The following TRERF1 variants were observed in gnomAD, a reference collection of about 807,000 sequenced individuals.
The protein encoded by TRERF1 is transcriptional-regulating factor 1.
In TRERF1, 27 loss-of-function variants were observed where a neutral mutation model predicts 122.9. The ratio of observed to expected loss-of-function variants is 0.22; its 90% CI spans 0.16 to 0.30. TRERF1 has a LOEUF of 0.30. Ranked by LOEUF, TRERF1 falls within the 10% of genes least tolerant of loss-of-function variation. The pLI, the probability that TRERF1 is intolerant of heterozygous loss-of-function variation, is 1.00. For missense variants in TRERF1, 1,248 were observed against 1,560.3 expected, an observed-to-expected ratio of 0.80 and a Z score of 3.37; for synonymous variants, 636 against 641.7, an observed-to-expected ratio of 0.99 and a Z score of 0.13.
intron 2 of TRERF1, among the ~76,000 whole-genome samples, chr6:42,425,837 C>T (rs1011216352): frequency 6.1e-5 from 9 of 146,394 alleles, no homozygotes; most frequent in African/African-American, 1.8e-4. Flanking sequence ...GCCAGTGCCC[C>T]GCCGGCCCCC....
chr6:42,314,766 G>T (rs1009734689), intron 3 of TRERF1, among the ~76,000 whole-genome samples: 2 of 152,160 alleles, frequency 1.3e-5, no homozygotes, highest in African/African-American at 2.4e-5. Flanking sequence ...AGGAGGAACA[G>T]CAAGAGCCCT....
At chr6:42,328,329 C>A (rs11756017) in intron 3 of TRERF1, among the ~76,000 whole-genome samples, 6,103 of 151,978 alleles carry the variant, frequency 0.04, 287 homozygotes, top group East Asian at 0.23. Flanking sequence ...AATTAAAAAA[C>A]AAACAAACAA....
intron 3 of TRERF1, among the ~76,000 whole-genome samples, chr6:42,308,027 T>A (rs73428885): frequency 0.033 from 5,015 of 152,282 alleles, 280 homozygotes; most frequent in African/African-American, 0.11. Context: ...GGATGGAAAA[T>A]GGTGTAGCCA....
intron 2 of TRERF1, among the ~76,000 whole-genome samples, chr6:42,411,850 T>C (rs1487287726): frequency 6.6e-6 from 1 of 152,182 alleles, no homozygotes; most frequent in Non-Finnish European, 1.5e-5. Flanking sequence ...TGACTTTGAA[T>C]AAATGTCTGA....
At position 42,268,793 on chromosome 6, in the gene TRERF1, C is replaced by T; in HGVS notation, c.798G>A (p.Gln266=). ...GTTGCTGCGGTGGGTAATACTGGTG[C>T]TGCTGCATCTGTTGCATGTGCTGTG... Residue 266 remains glutamine, a synonymous_variant, in exon 5 of 18, where the codon CAG becomes CAA. Transcript: ENST00000372922. This position sits in a 1 kb window ranked among gnomAD's most constrained non-coding sequence, Gnocchi z 4.4. The T allele has an allele frequency of 6.2e-7, 1 of 1,614,176 alleles. No individual in the cohort carries two copies.
chr6:42,241,383 T>C (rs59332329), intron 15 of TRERF1, among the ~76,000 whole-genome samples: 6,254 of 152,272 alleles, frequency 0.041, 436 homozygotes, highest in African/African-American at 0.14. Context: ...TGGGCTCAAA[T>C]ATAAATGTAT....
Position 42,275,197 on chromosome 6 carries a change from C to A in TRERF1, c.-258-5349G>T, listed in dbSNP as rs1371285208. On this transcript the variant is annotated intron_variant, in intron 4 of 17. Transcript: ENST00000372922. This position sits in a 1 kb window ranked among gnomAD's most constrained non-coding sequence, Gnocchi z 4.1. ...TCAATCTCACAGAATTCTTATAATA[C>A]CAACTCAGGATTCAAGTCTTTATTA... Among the ~76,000 whole-genome samples the A allele has an allele frequency of 6.6e-6, 1 of 152,230 alleles. No homozygotes were observed. The highest frequency in any genetic ancestry group is 1.5e-5 in the Non-Finnish European group (1 of 68,046).
intron 2 of TRERF1, among the ~76,000 whole-genome samples, chr6:42,416,063 T>C (rs971005010): frequency 6.6e-6 from 1 of 152,182 alleles, no homozygotes; most frequent in South Asian, 2.1e-4. Context: ...ATCTCTTCTG[T>C]TGCTTATACA....
chr6:42,329,996 A>T (rs931627428), intron 3 of TRERF1, among the ~76,000 whole-genome samples: 1 of 152,194 alleles, frequency 6.6e-6, no homozygotes, highest in Non-Finnish European at 1.5e-5. Context: ...CTTGGGGGAA[A>T]AAAAAAGTAT....
intron 3 of TRERF1, among the ~76,000 whole-genome samples, chr6:42,322,227 G>T (rs986749183): frequency 6.6e-6 from 1 of 151,792 alleles, no homozygotes; most frequent in Admixed American, 6.6e-5. Context: ...GGGAGGAGAG[G>T]TAGAGGGATG....
intron 3 of TRERF1, among the ~76,000 whole-genome samples, chr6:42,339,827 C>T (rs933107190): frequency 6.6e-6 from 1 of 152,214 alleles, no homozygotes; most frequent in African/African-American, 2.4e-5. Context: ...CTGGACACTA[C>T]CTGTGGCTGA....
intron 3 of TRERF1, among the ~76,000 whole-genome samples, chr6:42,329,729 G>A (rs1470517318): frequency 3.3e-5 from 5 of 152,064 alleles, no homozygotes; most frequent in African/African-American, 7.2e-5. Context: ...GGTGGCTCAC[G>A]GCTGTAATCC....
At chr6:42,404,664 A>C (rs260285) in intron 2 of TRERF1, among the ~76,000 whole-genome samples, 1 of 151,972 alleles carries the variant, frequency 6.6e-6, no homozygotes, top group East Asian at 1.9e-4. Flanking sequence ...CTCTCACCCC[A>C]GCAGGATACT....
chr6:42,285,843 T>C (rs1418114114), intron 4 of TRERF1, among the ~76,000 whole-genome samples: 2 of 151,398 alleles, frequency 1.3e-5, no homozygotes, highest in Non-Finnish European at 3.0e-5. Flanking sequence ...AAGTCAATCC[T>C]AAGCCAAAAG....
chr6:42,375,845 A>G (rs1774742711), intron 2 of TRERF1, among the ~76,000 whole-genome samples: 1 of 152,096 alleles, frequency 6.6e-6, no homozygotes, highest in Non-Finnish European at 1.5e-5. Flanking sequence ...GGCAAGCAGA[A>G]GTGAACTTCA....
intron 2 of TRERF1, among the ~76,000 whole-genome samples, chr6:42,439,060 G>T (rs1228869450): frequency 6.6e-6 from 1 of 152,186 alleles, no homozygotes; most frequent in East Asian, 1.9e-4. Context: ...AAAAGAGCAG[G>T]CGAGATGGAG....
At chr6:42,366,723 T>G (rs763734434) in intron 2 of TRERF1, among the ~76,000 whole-genome samples, 11 of 152,138 alleles carry the variant, frequency 7.2e-5, no homozygotes, top group Non-Finnish European at 1.5e-4. Flanking sequence ...AAAAGAATAT[T>G]CTATTTTGGG....
intron 4 of TRERF1, among the ~76,000 whole-genome samples, chr6:42,295,860 G>T (rs1288580480): frequency 2.6e-5 from 4 of 152,114 alleles, no homozygotes; most frequent in Non-Finnish European, 5.9e-5. Flanking sequence ...TTGAAAAAAA[G>T]ACTTGTTGCC....
At chr6:42,445,471 T>C (rs112882111) in intron 2 of TRERF1, among the ~76,000 whole-genome samples, 1 of 151,932 alleles carries the variant, frequency 6.6e-6, no homozygotes, top group African/African-American at 2.4e-5. Flanking sequence ...TGCATTTAAA[T>C]GTTCTCTCCA....
Sources: allele counts gnomAD v4.1 joint callset (sites outside exome capture counted in the v4.1 genomes callset), GRCh38; gene constraint gnomAD v4.1.1; non-coding constraint Gnocchi (gnomAD v3.1); transcripts MANE v1.5; gene names NCBI Gene and HGNC (gene_info 2026-07-23, HGNC 2026-07-21).